Variants in ARSD observed in about 807,000 individuals in gnomAD.
ARSD encodes the protein testis tissue sperm-binding protein Li 39a.
Under a neutral mutation model 32.6 loss-of-function variants are expected in ARSD, and 21 were observed. That is an observed-to-expected ratio of 0.64 (90% confidence interval 0.46 to 0.93). The LOEUF (loss-of-function observed/expected upper bound fraction) is 0.93, where lower values mean the gene tolerates loss of function less well. Ranked by LOEUF, ARSD falls within the 40% of genes least tolerant of loss-of-function variation. The probability of loss-of-function intolerance (pLI) is 0.00; values close to 1 mark genes in which losing one functional copy is unlikely to be tolerated. For missense variants in ARSD, 454 were observed against 520.9 expected (o/e 0.87, Z 1.25); for synonymous variants, 224 against 237.4 (o/e 0.94, Z 0.52).
rs1316037188 is a variant in ARSD, at chrX:2,918,065, C to G, written c.602G>C (p.Trp201Ser). 8.3e-7 allele frequency: 1 copy of G among 1,200,729 alleles called. No homozygotes were observed. Among genetic ancestry groups the G allele is most frequent in the Non-Finnish European group, 1.1e-6 (1 of 889,712 alleles). ...CAGCGCCAGGAACTGGGTGTAACCC[C>G]AGAGCTGCGCCCTCAGGGCGGCGTC... ...EVDAALRAQLWGYTQFLALGI... is the reference protein window; with the variant it reads ...EVDAALRAQLSGYTQFLALGI... Residue 201 changes from tryptophan to serine, a missense_variant, in exon 5 of 10, where the codon TGG (tryptophan) becomes TCG (serine). Trp to Ser is a radical substitution (Grantham distance 177). Transcript: ENST00000381154.
chrX:2,914,978 G>A (rs1010853039), intron 6 of ARSD, among the ~76,000 whole-genome samples: 22 of 111,077 alleles, frequency 2.0e-4, no homozygotes, highest in African/African-American at 6.5e-4. Flanking sequence ...AGGCTCAAGC[G>A]ATCCTCCTGC....
chrX:2,913,612 C>A, intron 6 of ARSD: 1 of 1,007,295 alleles, frequency 9.9e-7, no homozygotes, highest in East Asian at 6.4e-5. Flanking sequence ...CTCGTTGGTC[C>A]TCTCCAGGGT....
intron 6 of ARSD, chrX:2,913,410 C>G (rs910197066): frequency 1.8e-6 from 1 of 549,695 alleles, no homozygotes; most frequent in African/African-American, 2.6e-5. Flanking sequence ...ATGGCATGAA[C>G]CAGTCTCTCA....
Position 2,905,246 on chromosome X carries a change from C to T in ARSD, c.*2025G>A, listed in dbSNP as rs1395151951. 1 of 247,866 alleles carries T rather than the reference C, an allele frequency of 4.0e-6. No individual in the cohort carries two copies. Among genetic ancestry groups the T allele is most frequent in the Non-Finnish European group, 7.6e-6 (1 of 132,332 alleles). The allele number at this position is 247,866 out of a possible 1,213,427, so 20.4% of individuals were successfully genotyped here. A position where few individuals can be genotyped will look rare whatever the true frequency, so the allele number is the denominator to read the frequency against. Reference sequence around the variant, plus strand: ...CCACTGATGTCCTTAGAATCCCATCCTCACCTAATACCTGGTATTGAACAC... The same window carrying T: ...CCACTGATGTCCTTAGAATCCCATCTTCACCTAATACCTGGTATTGAACAC... On this transcript the variant is annotated 3_prime_UTR_variant, in exon 10 of 10. Transcript: ENST00000381154.
In ARSD at chrX:2,907,075, C is replaced by A. The variant is rs2088856569; in HGVS notation, c.*196G>T. On this transcript the variant is annotated 3_prime_UTR_variant, in exon 10 of 10. Transcript: ENST00000381154. ...GAGGTTGCAGTGAGCAGAGATCGTG[C>A]CATTGCATTCCAGCCTGAGGGACAG... 1.7e-5 allele frequency: 7 copies of A among 412,828 alleles called. No homozygotes were observed. The East Asian group carries it at 3.0e-4, about 18-fold the overall frequency. The allele number at this position is 412,828 out of a possible 1,213,427, so 34.0% of individuals were successfully genotyped here. A position where few individuals can be genotyped will look rare whatever the true frequency, so the allele number is the denominator to read the frequency against.
intron 5 of ARSD, 86 bp downstream of exon 5, chrX:2,917,718 A>G (rs967775939): frequency 2.2e-4 from 224 of 996,711 alleles, no homozygotes; most frequent in Non-Finnish European, 2.8e-4. Flanking sequence ...AGATCCTCCC[A>G]TCTTGGCCTC....
At chrX:2,927,717 C>A (rs1409284500) in intron 1 of ARSD, among the ~76,000 whole-genome samples, 2 of 112,234 alleles carry the variant, frequency 1.8e-5, no homozygotes, top group Non-Finnish European at 3.8e-5. Context: ...GTCTAGTCTT[C>A]GTGTGCAACT....
intron 1 of ARSD, among the ~76,000 whole-genome samples, chrX:2,927,512 C>G (rs1489136436): frequency 1.8e-5 from 2 of 111,528 alleles, no homozygotes; most frequent in Non-Finnish European, 3.8e-5. Context: ...ATGCTGGTCT[C>G]AAACTCCTGA....
intron 4 of ARSD, among the ~76,000 whole-genome samples, chrX:2,919,095 G>A (rs1370870444): frequency 9.2e-6 from 1 of 109,224 alleles, no homozygotes; most frequent in Non-Finnish European, 1.9e-5. Context: ...CCAGTGTAGG[G>A]GACAGAGCAA....
intron 1 of ARSD, among the ~76,000 whole-genome samples, chrX:2,927,691 A>C (rs1045320929): frequency 8.9e-6 from 1 of 112,138 alleles, no homozygotes; most frequent in African/African-American, 3.2e-5. Context: ...TCTGCAACCA[A>C]TCGGACTGAT....
intron 3 of ARSD, among the ~76,000 whole-genome samples, chrX:2,921,484 T>C (rs2089028664): frequency 8.9e-6 from 1 of 112,110 alleles, no homozygotes; most frequent in Non-Finnish European, 1.9e-5. Flanking sequence ...TCTAGATATC[T>C]AGCTATCAAT....
intron 6 of ARSD, among the ~76,000 whole-genome samples, chrX:2,911,152 A>G (rs1188780406): frequency 8.9e-6 from 1 of 111,818 alleles, no homozygotes; most frequent in Non-Finnish European, 1.9e-5. Flanking sequence ...TGGGTGGATC[A>G]CCTGAGGCCA....
At chrX:2,924,312 G>A (rs1247284172) in intron 2 of ARSD, among the ~76,000 whole-genome samples, 1 of 113,574 alleles carries the variant, frequency 8.8e-6, no homozygotes, top group Non-Finnish European at 1.9e-5. Context: ...GGGATGACAG[G>A]CGGGAGCCAC....
chrX:2,910,604 A>G, intron 7 of ARSD, 55 bp downstream of exon 7: 1 of 1,205,232 alleles, frequency 8.3e-7, no homozygotes, highest in Admixed American at 2.2e-5. Flanking sequence ...TGGGACCCTC[A>G]GTGGTGGCAG....
chrX:2,922,512 G>A lies in ARSD; in HGVS notation c.195-488C>T, dbSNP rs868680845. 3.7e-5 allele frequency among the ~76,000 whole-genome samples: 4 copies of A among 109,395 alleles called. No homozygotes were observed. The Admixed American group carries it at 4.0e-4, about 11-fold the overall frequency. The allele number at this position is 109,395 out of a possible 115,157, so 95.0% of individuals were successfully genotyped here. On this transcript the variant is annotated intron_variant, in intron 2 of 9. Coordinates refer to ENST00000381154, the MANE Select transcript of ARSD (RefSeq NM_001669.4). ...CCAGATGGGGAACACAGACAGAAGA[G>A]GCTTAAAAGCTTTCATCATCAGATA...
chrX:2,910,620 T>C, intron 7 of ARSD, 39 bp downstream of exon 7: 1 of 1,209,781 alleles, frequency 8.3e-7, no homozygotes, highest in East Asian at 3.0e-5. Flanking sequence ...GGCAGATATT[T>C]GGTCGAATGC....
intron 3 of ARSD, 48 bp from the exon 4 acceptor site, chrX:2,920,771 G>T (rs201440084): frequency 2.5e-6 from 3 of 1,190,613 alleles, no homozygotes; most frequent in Non-Finnish European, 3.4e-6. Context: ...TTCTCTAGAG[G>T]AGCACTTCTC....
rs768163039 is a variant in ARSD at position 2,914,421 on chromosome X, G to C, written c.1000+1135C>G. 6.8e-3 allele frequency: 2,572 copies of C among 378,602 alleles called. 35 individuals carry two copies. The highest frequency in any genetic ancestry group is 0.024 in the African/African-American group (720 of 29,480). The allele number at this position is 378,602 out of a possible 1,213,427, so 31.2% of individuals were successfully genotyped here. Reference sequence around the variant, plus strand: ...TTTTTTAAATTTTTTGTAGAGATGGGGGGGGGGGGCGTCTCACTATGTTGC... The same window carrying C: ...TTTTTTAAATTTTTTGTAGAGATGGCGGGGGGGGGCGTCTCACTATGTTGC... On this transcript the variant is annotated intron_variant, in intron 6 of 9. Coordinates refer to ENST00000381154, the MANE Select transcript of ARSD (RefSeq NM_001669.4).
At chrX:2,909,706 T>A in intron 8 of ARSD, 111 bp downstream of exon 8, 10 of 599,429 alleles carry the variant, frequency 1.7e-5, no homozygotes, top group African/African-American at 2.7e-5. Context: ...AAAAAAAAGC[T>A]TATTTATGTA....
Sources: gnomAD v4.1 joint callset for allele counts (sites outside exome capture counted in the v4.1 genomes callset) on GRCh38, gnomAD v4.1.1 for gene constraint, MANE v1.5 for transcripts, NCBI Gene and HGNC (gene_info 2026-07-23, HGNC 2026-07-21) for gene names.